NTM: variants seen among roughly 807,000 people sequenced by gnomAD.
NTM encodes neurotrimin.
NTM carries 13 observed loss-of-function variants against 42.1 expected under a neutral mutation model. The observed-to-expected ratio is 0.31, with a 90% CI of 0.20 to 0.49. The LOEUF is 0.49. Ranked by LOEUF, NTM falls within the 20% of genes least tolerant of loss-of-function variation. NTM has a pLI of 0.99. For missense variants in NTM, 373 were observed against 452.8 expected (o/e 0.82, Z 1.60); for synonymous variants, 187 against 179.2 (o/e 1.04, Z -0.35).
intron 1 of NTM, among the ~76,000 whole-genome samples, chr11:131,546,068 A>G (rs1248780965): frequency 6.6e-6 from 1 of 152,114 alleles, no homozygotes; most frequent in Non-Finnish European, 1.5e-5. Flanking sequence ...ATTTACTTTT[A>G]TCGAAAGAAA....
intron 4 of NTM, among the ~76,000 whole-genome samples, chr11:132,262,369 G>A (rs1025105346): frequency 3.3e-5 from 5 of 152,124 alleles, no homozygotes; most frequent in Non-Finnish European, 2.9e-5. Context: ...CACTGGCCAC[G>A]GTTGACTAAG....
intron 3 of NTM, among the ~76,000 whole-genome samples, chr11:132,147,473 C>T (rs7937519): frequency 0.86 from 131,501 of 152,090 alleles, 57,399 homozygotes; most frequent in Non-Finnish European, 0.91. Flanking sequence ...GAGGATTGAA[C>T]TGTAAACGTA....
Position 132,126,589 on chromosome 11 carries a change from A to G in NTM, c.168-19693A>G, listed in dbSNP as rs112492072. On this transcript the variant is annotated intron_variant, in intron 2 of 8. Coordinates refer to ENST00000683400, the MANE Select transcript of NTM (RefSeq NM_001352005.2). ...CAGCTGCTGTCATTTCTCCCCTAGC[A>G]GTTGTTTTTGGTTTTACTTTTATTT... Among the ~76,000 whole-genome samples the G allele has an allele frequency of 1.4e-3, 209 of 152,278 alleles. 1 individual carries two copies. Among genetic ancestry groups the G allele is most frequent in the Non-Finnish European group, 1.2e-3 (84 of 68,028 alleles).
chr11:131,759,835 T>A (rs2083867717), intron 1 of NTM, among the ~76,000 whole-genome samples: 1 of 152,182 alleles, frequency 6.6e-6, no homozygotes, highest in Admixed American at 6.5e-5. Context: ...CAAATGGATT[T>A]ATCTCTTCAG....
At chr11:131,801,884 G>A (rs2092145122) in intron 1 of NTM, among the ~76,000 whole-genome samples, 1 of 151,936 alleles carries the variant, frequency 6.6e-6, no homozygotes, top group Admixed American at 6.6e-5. Flanking sequence ...CAGCATCCAT[G>A]ACCCCAGCCC....
intron 1 of NTM, among the ~76,000 whole-genome samples, chr11:131,803,680 G>A (rs2092311150): frequency 6.6e-6 from 1 of 152,110 alleles, no homozygotes; most frequent in Non-Finnish European, 1.5e-5. Flanking sequence ...TGCAGCACTT[G>A]CTCCCAGCCA....
chr11:131,413,132 G>C (rs945670867), intron 1 of NTM, among the ~76,000 whole-genome samples: 1 of 152,188 alleles, frequency 6.6e-6, no homozygotes, highest in Non-Finnish European at 1.5e-5. Context: ...GATAACGGCT[G>C]TTCTTTCAAA....
chr11:131,656,805 C>G lies in NTM; in HGVS notation c.83-254759C>G, dbSNP rs904124876. On this transcript the variant is annotated intron_variant, in intron 1 of 8. Transcript: ENST00000683400. ...TGTTTGAGACAGAGCTAGTCTAGGT[C>G]CAAGTTTGGAGTAGGTATGCAACTG... 7.2e-5 allele frequency among the ~76,000 whole-genome samples: 11 copies of G among 152,218 alleles called. No homozygotes were observed. In the South Asian group the frequency reaches 8.3e-4, roughly 12 times the overall value.
intron 4 of NTM, among the ~76,000 whole-genome samples, chr11:132,273,316 T>TG (rs1482567554): frequency 6.5e-5 from 7 of 108,170 alleles, no homozygotes; most frequent in Middle Eastern, 5.4e-3. Flanking sequence ...AGTGTTTTTT[T>TG]TTTTTTTTTT....
Position 131,382,148 on chromosome 11 carries a change from C to A in NTM, c.82+11260C>A, listed in dbSNP as rs574952187. On this transcript the variant is annotated intron_variant, in intron 1 of 8. Transcript: ENST00000683400. ...ATATGGTCATATACTGCGGTTCAGG[C>A]CAATGGGATACAAGCATAAGATGAC... Among the ~76,000 whole-genome samples, 34 of 152,218 alleles carry A rather than the reference C, an allele frequency of 2.2e-4. No individual in the cohort carries two copies. The South Asian group carries it at 7.1e-3, about 32-fold the overall frequency.
At chr11:132,063,703 C>A (rs558197276) in intron 2 of NTM, among the ~76,000 whole-genome samples, 4 of 152,306 alleles carry the variant, frequency 2.6e-5, no homozygotes, top group Non-Finnish European at 5.9e-5. Flanking sequence ...TGTCCAGATT[C>A]TCTTTGTTCT....
chr11:132,292,137 A>AT, intron 4 of NTM, among the ~76,000 whole-genome samples: 1 of 152,314 alleles, frequency 6.6e-6, no homozygotes. Flanking sequence ...TTCCTTGAAA[A>AT]AGTGAGAAAG....
intron 1 of NTM, among the ~76,000 whole-genome samples, chr11:131,394,142 C>T (rs1393251759): frequency 2.0e-5 from 3 of 152,194 alleles, no homozygotes; most frequent in Non-Finnish European, 4.4e-5. Flanking sequence ...CAGGGGAAAG[C>T]CTTGAAAAGG....
Position 131,598,034 on chromosome 11 carries a change from T to C in NTM, c.82+227146T>C, listed in dbSNP as rs113008389. Reference sequence around the variant, plus strand: ...CTCCAGCCCTTACGCTGGGATCCAATTGGCTCTGCTCCTTCAGGCTCCATG... The same window carrying C: ...CTCCAGCCCTTACGCTGGGATCCAACTGGCTCTGCTCCTTCAGGCTCCATG... On this transcript the variant is annotated intron_variant, in intron 1 of 8. Coordinates refer to ENST00000683400, the MANE Select transcript of NTM (RefSeq NM_001352005.2). Among the ~76,000 whole-genome samples the C allele has an allele frequency of 9.4e-4, 143 of 152,256 alleles. 2 individuals are homozygous for C. Among genetic ancestry groups the C allele is most frequent in the African/African-American group, 3.4e-3 (141 of 41,562 alleles).
intron 1 of NTM, among the ~76,000 whole-genome samples, chr11:131,823,482 T>A (rs1341400860): frequency 2.0e-5 from 3 of 152,200 alleles, no homozygotes; most frequent in Non-Finnish European, 4.4e-5. Flanking sequence ...GAATTTGCTA[T>A]GAACCCTCTA....
chr11:132,320,655 G>A (rs548515107), intron 7 of NTM, among the ~76,000 whole-genome samples: 20 of 152,262 alleles, frequency 1.3e-4, no homozygotes, highest in East Asian at 9.7e-4. Context: ...CAGAAAGCTC[G>A]AACTGGGTGG....
chr11:132,135,116 TGTGTCA>T (rs1183686369), intron 2 of NTM, among the ~76,000 whole-genome samples: 1 of 152,128 alleles, frequency 6.6e-6, no homozygotes, highest in Admixed American at 6.5e-5. Context: ...CCCTCACCCC[TGTGTCA>T]GTGTCCCAGG....
chr11:131,627,769 T>G (rs185575917), intron 1 of NTM, among the ~76,000 whole-genome samples: 1 of 152,286 alleles, frequency 6.6e-6, no homozygotes, highest in East Asian at 1.9e-4. Flanking sequence ...AGGTCAAGGC[T>G]GCAGTGAGCT....
intron 4 of NTM, among the ~76,000 whole-genome samples, chr11:132,268,887 G>T (rs531230129): frequency 6.6e-6 from 1 of 152,086 alleles, no homozygotes; most frequent in Non-Finnish European, 1.5e-5. Flanking sequence ...GGGAAGGTCA[G>T]AGAATGCCAG....
Sources: gnomAD v4.1 joint callset for allele counts (sites outside exome capture counted in the v4.1 genomes callset) on GRCh38, gnomAD v4.1.1 for gene constraint, MANE v1.5 for transcripts, NCBI Gene and HGNC (gene_info 2026-07-23, HGNC 2026-07-21) for gene names.